Variants in GLT1D1 observed in about 807,000 individuals in gnomAD.
GLT1D1 encodes glycosyltransferase 1 domain-containing protein 1.
A neutral mutation model predicts 28.7 loss-of-function variants in GLT1D1; 21 were observed. That is an observed-to-expected ratio of 0.73 (90% CI 0.52 to 1.05). The LOEUF is 1.05. Ranked by LOEUF, GLT1D1 falls within the 50% of genes least tolerant of loss-of-function variation. GLT1D1 has a pLI of 0.00. For missense variants in GLT1D1, 343 were observed against 330.6 expected, an observed-to-expected ratio of 1.04 and a Z score of -0.29; for synonymous variants, 147 against 124.8, an observed-to-expected ratio of 1.18 and a Z score of -1.19.
chr12:128,899,046 A>G (rs942385307), intron 3 of GLT1D1, among the ~76,000 whole-genome samples, 190 bp from the exon 4 acceptor site: 1 of 152,234 alleles, frequency 6.6e-6, no homozygotes, highest in African/African-American at 2.4e-5. Context: ...TACTTCTTGC[A>G]TATAAAACTT....
Position 128,874,084 on chromosome 12 carries a change from CTTTCTTTCTTTCTT to C in GLT1D1, c.69-1828_69-1815del, listed in dbSNP as rs1356877354. Among the ~76,000 whole-genome samples the C allele has an allele frequency of 5.7e-3, 75 of 13,272 alleles. 2 individuals are homozygous for C. Among genetic ancestry groups the C allele is most frequent in the African/African-American group, 9.0e-3 (40 of 4,452 alleles). The allele number at this position is 13,272 out of a possible 152,430, so 8.7% of individuals were successfully genotyped here. ...CCTTTCTTTCTTTCTTTCTTTCTTT[CTTTCTTTCTTTCTT>C]TCTCTCTCTCTCTCTCTCTCTCTCT... is the stretch of plus-strand genomic sequence containing the variant. On this transcript the variant is annotated intron_variant, in intron 1 of 7. Transcript: ENST00000281703.
At position 128,911,878 on chromosome 12, in the gene GLT1D1, C is replaced by A. The variant is rs78104744; in HGVS notation, c.375+12591C>A. 1.6e-4 allele frequency among the ~76,000 whole-genome samples: 25 copies of A among 152,160 alleles called. No homozygotes were observed. In the East Asian group the frequency reaches 4.6e-3, roughly 28 times the overall value. On this transcript the variant is annotated intron_variant, in intron 4 of 7. Coordinates refer to ENST00000281703, the MANE Select transcript of GLT1D1 (RefSeq NM_144669.3). ...GGTAACTTACCAGACGCTTTCCACC[C>A]GGCTGTCCTCCCTTGCCTGGAAGGA... is the stretch of plus-strand genomic sequence containing the variant.
intron 6 of GLT1D1, among the ~76,000 whole-genome samples, chr12:128,952,528 C>A (rs547356870): frequency 6.7e-6 from 1 of 148,946 alleles, no homozygotes; most frequent in Non-Finnish European, 1.5e-5. Context: ...AGGGCAATAG[C>A]CGATCTCGGC....
chr12:128,933,335 T>G (rs1262419755), intron 4 of GLT1D1, among the ~76,000 whole-genome samples: 2 of 152,274 alleles, frequency 1.3e-5, no homozygotes, highest in Non-Finnish European at 2.9e-5. Context: ...GAAGCCGCCA[T>G]AGGCGCACAC....
At chr12:128,903,819 C>T (rs1870560018) in intron 4 of GLT1D1, among the ~76,000 whole-genome samples, 1 of 151,770 alleles carries the variant, frequency 6.6e-6, no homozygotes, top group Non-Finnish European at 1.5e-5. Context: ...CAACCTCTGC[C>T]TCCCAAGTTC....
In GLT1D1 at chr12:128,864,287, T is replaced by G. The variant is rs1593048733; in HGVS notation, c.68+10638T>G. 23 of 449,762 alleles carry G rather than the reference T, an allele frequency of 5.1e-5. No homozygotes were observed. The East Asian group carries it at 7.7e-4, about 15-fold the overall frequency. The allele number at this position is 449,762 out of a possible 1,614,324, so 27.9% of individuals were successfully genotyped here. On this transcript the variant is annotated intron_variant, in intron 1 of 7. Transcript: ENST00000281703. The stretch of plus-strand genomic sequence containing the variant: ...GGATGAAGTTTGCTTAGTCCTGCAC[T>G]AGGGGTGGGGCAAACTGGGATATAA...
intron 4 of GLT1D1, among the ~76,000 whole-genome samples, chr12:128,922,922 C>CAAAAA: frequency 2.0e-5 from 2 of 97,610 alleles, no homozygotes; most frequent in South Asian, 6.6e-4. Context: ...GACTCCATCT[C>CAAAAA]AAAAAAAAAA....
chr12:128,878,973 G>C (rs1241379636), intron 2 of GLT1D1, among the ~76,000 whole-genome samples: 1 of 152,180 alleles, frequency 6.6e-6, no homozygotes, highest in African/African-American at 2.4e-5. Flanking sequence ...GAATGTGAAA[G>C]AAGTGTAGAG....
intron 6 of GLT1D1, among the ~76,000 whole-genome samples, chr12:128,949,813 T>G (rs1876499873): frequency 6.6e-6 from 1 of 151,648 alleles, no homozygotes; most frequent in Non-Finnish European, 1.5e-5. Flanking sequence ...GATGCATGCA[T>G]GCACACACAT....
chr12:128,870,913 C>A, intron 1 of GLT1D1, among the ~76,000 whole-genome samples: 1 of 152,158 alleles, frequency 6.6e-6, no homozygotes, highest in East Asian at 1.9e-4. Flanking sequence ...ATCGCTTGAA[C>A]CCGTGAGGCA....
At position 128,914,631 on chromosome 12, in the gene GLT1D1, C is replaced by T. The variant is rs543732705; in HGVS notation, c.375+15344C>T. The stretch of plus-strand genomic sequence containing the variant: ...AGTCAGGAGTTCGAGACCAGCCTGG[C>T]CAACATGGTGAAACCCTGTCTCTAC... On this transcript the variant is annotated intron_variant, in intron 4 of 7. Transcript: ENST00000281703. Among the ~76,000 whole-genome samples, 3 of 152,020 alleles carry T rather than the reference C, an allele frequency of 2.0e-5. No individual in the cohort carries two copies. The South Asian group carries it at 6.2e-4, about 32-fold the overall frequency.
rs1956858652 is a variant in GLT1D1 at position 128,875,941 on chromosome 12, G to A, written c.96G>A (p.Val32=). The change falls in exon 2 of 8, where the codon GTG becomes GTA. Residue 32 remains valine (V), a synonymous_variant. Transcript: ENST00000281703. ...CCCATCTAGAGGCTGCAGGGCACGT[G>A]TGCGTTTTGAAGGATGCCTTTGACT... 6.2e-7 allele frequency: 1 copy of A among 1,614,090 alleles called. No homozygotes were observed. Among genetic ancestry groups the A allele is most frequent in the Non-Finnish European group, 8.5e-7 (1 of 1,179,978 alleles).
chr12:128,871,469 A>C (rs529221117), intron 1 of GLT1D1, among the ~76,000 whole-genome samples: 1 of 152,248 alleles, frequency 6.6e-6, no homozygotes, highest in South Asian at 2.1e-4. Flanking sequence ...AGTTAAACCA[A>C]CCTAAGTCTC....
intron 3 of GLT1D1, among the ~76,000 whole-genome samples, chr12:128,895,539 C>T (rs1029086958): frequency 2.0e-5 from 3 of 151,550 alleles, no homozygotes; most frequent in African/African-American, 7.3e-5. Flanking sequence ...TCATCGCAAC[C>T]TCCGCCTCCT....
At chr12:128,941,437 ACT>A (rs1566155409) in intron 4 of GLT1D1, among the ~76,000 whole-genome samples, 1 of 151,786 alleles carries the variant, frequency 6.6e-6, no homozygotes, top group Admixed American at 6.6e-5. Flanking sequence ...TCTGGAAACG[ACT>A]CTGTCTCAAG....
intron 7 of GLT1D1, among the ~76,000 whole-genome samples, chr12:128,980,324 A>G (rs908354555): frequency 3.3e-5 from 5 of 152,314 alleles, no homozygotes; most frequent in Admixed American, 3.3e-4. Flanking sequence ...TTCCCAGACC[A>G]TGTTGTAAAG....
At chr12:128,982,727 T>C (rs776922118) in intron 7 of GLT1D1, among the ~76,000 whole-genome samples, 34 of 152,184 alleles carry the variant, frequency 2.2e-4, no homozygotes, top group Non-Finnish European at 3.8e-4. Flanking sequence ...TGTGTGCGTG[T>C]GTGTGTGTGT....
chr12:128,944,896 C>T (rs1047753965), intron 4 of GLT1D1: 118 of 435,394 alleles, frequency 2.7e-4, no homozygotes, highest in Non-Finnish European at 3.9e-4. Flanking sequence ...TTGCTGCACC[C>T]ATCAACTCGT....
intron 2 of GLT1D1, among the ~76,000 whole-genome samples, chr12:128,883,589 CAA>C (rs202021879): frequency 2.4e-4 from 19 of 77,984 alleles, no homozygotes; most frequent in Admixed American, 4.2e-4. Flanking sequence ...GACTCCATCT[CAA>C]AAAAAAAAAA....
Sources: gnomAD v4.1 joint callset for allele counts (sites outside exome capture counted in the v4.1 genomes callset) on GRCh38, gnomAD v4.1.1 for gene constraint, MANE v1.5 for transcripts, NCBI Gene and HGNC (gene_info 2026-07-23, HGNC 2026-07-21) for gene names.